Variants in NELL1 observed in about 807,000 individuals in gnomAD.
The protein encoded by NELL1 is protein kinase C-binding protein NELL1.
Under a neutral mutation model 107.4 loss-of-function variants are expected in NELL1, and 76 were observed. The observed-to-expected ratio is 0.71, with a 90% CI of 0.59 to 0.86. The LOEUF (loss-of-function observed/expected upper bound fraction) is 0.86, where lower values mean the gene tolerates loss of function less well. Among genes scored for constraint, NELL1 ranks in the 40% least tolerant of loss-of-function variants. The probability of loss-of-function intolerance (pLI) is 0.00; values close to 1 mark genes in which losing one functional copy is unlikely to be tolerated. For missense variants in NELL1, 1,024 were observed against 1,005.5 expected (o/e 1.02, Z -0.25); for synonymous variants, 353 against 341.2 (o/e 1.03, Z -0.38).
chr11:21,284,061 C>T (rs1320249721), intron 14 of NELL1: 4 of 370,380 alleles, frequency 1.1e-5, no homozygotes, highest in South Asian at 2.0e-5. Context: ...GTGACCTCCA[C>T]CTCTGCCTCA....
rs571366842 is a variant in NELL1, at chr11:21,298,882, C to A, written c.1549+69428C>A. On this transcript the variant is annotated intron_variant, in intron 14 of 19. Transcript: ENST00000357134. ...CATCTTTTCCCAAGAAATCACCTTTCCCCCGAAAAAAGATTATCTGCTCTC... is the reference window on the plus strand; with the variant it reads ...CATCTTTTCCCAAGAAATCACCTTTACCCCGAAAAAAGATTATCTGCTCTC... Among the ~76,000 whole-genome samples, 3 of 152,068 alleles carry A rather than the reference C, an allele frequency of 2.0e-5. No homozygotes were observed. The East Asian group carries it at 5.8e-4, about 30-fold the overall frequency.
intron 3 of NELL1, among the ~76,000 whole-genome samples, chr11:20,800,749 G>A (rs930118708): frequency 2.0e-5 from 3 of 152,166 alleles, no homozygotes; most frequent in African/African-American, 7.2e-5. Context: ...AATGAGAAAC[G>A]ATGAGGATGT....
At chr11:21,194,540 T>C (rs1350631753) in intron 13 of NELL1, among the ~76,000 whole-genome samples, 2 of 152,122 alleles carry the variant, frequency 1.3e-5, no homozygotes, top group South Asian at 2.1e-4. Context: ...ATTTAATATG[T>C]GGCCAAGAAG....
At chr11:21,565,781 T>C (rs973428230) in intron 17 of NELL1, among the ~76,000 whole-genome samples, 1 of 151,966 alleles carries the variant, frequency 6.6e-6, no homozygotes, top group Admixed American at 6.6e-5. Flanking sequence ...CTTGGTTTCC[T>C]CTTCATTAAA....
At chr11:21,175,752 C>T (rs111942675) in intron 13 of NELL1, among the ~76,000 whole-genome samples, 2,700 of 151,864 alleles carry the variant, frequency 0.018, 141 homozygotes, top group African/African-American at 0.061. Context: ...ATCAAAACAA[C>T]GATGTTTTGT....
chr11:21,436,478 T>G (rs1270919871), intron 15 of NELL1, among the ~76,000 whole-genome samples: 1 of 152,210 alleles, frequency 6.6e-6, no homozygotes, highest in Non-Finnish European at 1.5e-5. Context: ...TTCTATAGTA[T>G]CATTTGTAAT....
intron 15 of NELL1, among the ~76,000 whole-genome samples, chr11:21,532,221 A>T (rs985845700): frequency 2.0e-5 from 3 of 152,144 alleles, no homozygotes; most frequent in African/African-American, 7.2e-5. Flanking sequence ...TCCCTGGGGA[A>T]GTTGTAGATG....
At chr11:20,686,035 G>C (rs904759833) in intron 2 of NELL1, among the ~76,000 whole-genome samples, 1 of 151,870 alleles carries the variant, frequency 6.6e-6, no homozygotes, top group Admixed American at 6.6e-5. Context: ...AGACTGATAA[G>C]AATTCAATGA....
At chr11:21,054,420 T>C (rs1853568003) in intron 12 of NELL1, among the ~76,000 whole-genome samples, 1 of 152,188 alleles carries the variant, frequency 6.6e-6, no homozygotes, top group Admixed American at 6.5e-5. Flanking sequence ...ATATATATTT[T>C]TGTGAGTATA....
chr11:21,061,010 C>T (rs1853727932), intron 12 of NELL1, among the ~76,000 whole-genome samples: 1 of 152,232 alleles, frequency 6.6e-6, no homozygotes, highest in South Asian at 2.1e-4. Flanking sequence ...GCTGGGATTA[C>T]AGGCGTGAGC....
At chr11:21,176,531 T>A (rs1856716155) in intron 13 of NELL1, among the ~76,000 whole-genome samples, 1 of 151,898 alleles carries the variant, frequency 6.6e-6, no homozygotes, top group Non-Finnish European at 1.5e-5. Context: ...ACTGGCAGGC[T>A]TGAACCAATT....
intron 14 of NELL1, among the ~76,000 whole-genome samples, chr11:21,231,860 G>A (rs1006996045): frequency 6.6e-6 from 1 of 152,110 alleles, no homozygotes; most frequent in Non-Finnish European, 1.5e-5. Flanking sequence ...AAAGTCTTGT[G>A]TTTTATAAAT....
At chr11:21,234,779 A>G (rs1022948593) in intron 14 of NELL1, among the ~76,000 whole-genome samples, 6 of 152,168 alleles carry the variant, frequency 3.9e-5, no homozygotes, top group Non-Finnish European at 7.3e-5. Context: ...AGAAGGCCAG[A>G]GGTTTGATAT....
At chr11:21,540,825 A>T (rs1179697625) in intron 16 of NELL1, among the ~76,000 whole-genome samples, 2 of 152,112 alleles carry the variant, frequency 1.3e-5, no homozygotes, top group Non-Finnish European at 2.9e-5. Context: ...GGGTGGAGAC[A>T]CAAATCCAAA....
chr11:21,466,975 A>C (rs949956689), intron 15 of NELL1, among the ~76,000 whole-genome samples: 1 of 151,736 alleles, frequency 6.6e-6, no homozygotes, highest in African/African-American at 2.4e-5. Context: ...CTAGAACCCA[A>C]CTCTATTTTA....
At chr11:21,232,865 C>A (rs886483405) in intron 14 of NELL1, among the ~76,000 whole-genome samples, 1 of 152,110 alleles carries the variant, frequency 6.6e-6, no homozygotes, top group African/African-American at 2.4e-5. Flanking sequence ...GTTGGCCAGG[C>A]TGGTTTCCAA....
intron 11 of NELL1, among the ~76,000 whole-genome samples, chr11:20,960,131 A>G (rs559461343): frequency 6.6e-6 from 1 of 152,268 alleles, no homozygotes; most frequent in East Asian, 1.9e-4. Context: ...ACAAAATTAT[A>G]AAAAGAGTAG....
At chr11:20,861,665 C>T (rs997317681) in intron 4 of NELL1, among the ~76,000 whole-genome samples, 2 of 152,200 alleles carry the variant, frequency 1.3e-5, no homozygotes, top group African/African-American at 4.8e-5. Context: ...GTGCTCTGAG[C>T]AGGGTCATAA....
At position 21,456,987 on chromosome 11, in the gene NELL1, T is replaced by TAC. The variant is rs369105861; in HGVS notation, c.1646-77372_1646-77371dup. 5.3e-3 allele frequency among the ~76,000 whole-genome samples: 736 copies of TAC among 139,966 alleles called. 3 individuals carry two copies. Among genetic ancestry groups the TAC allele is most frequent in the African/African-American group, 0.017 (607 of 34,790 alleles). 91.8% of individuals were successfully genotyped at this position (139,966 alleles called of 152,430 possible). On this transcript the variant is annotated intron_variant, in intron 15 of 19. Coordinates refer to ENST00000357134, the MANE Select transcript of NELL1 (RefSeq NM_006157.5). ...TATCCCTTAAGAAATTCCCTGGAAA[T>TAC]ACACACACACACACACCACCCTGAC...
Sources: allele counts gnomAD v4.1 joint callset (sites outside exome capture counted in the v4.1 genomes callset), GRCh38; gene constraint gnomAD v4.1.1; transcripts MANE v1.5; gene names NCBI Gene and HGNC (gene_info 2026-07-23, HGNC 2026-07-21).